SLC9A8: variants seen among roughly 807,000 people sequenced by gnomAD.
SLC9A8 encodes sodium/hydrogen exchanger 8.
Under a neutral mutation model 66.6 loss-of-function variants are expected in SLC9A8, and 48 were observed. The observed-to-expected ratio is 0.72, with a 90% CI of 0.57 to 0.92. The LOEUF (loss-of-function observed/expected upper bound fraction) is 0.92. SLC9A8 is among the 40% of genes least tolerant of loss of function. SLC9A8 has a pLI of 0.00. For synonymous variants in SLC9A8, 274 were observed against 282.6 expected, an observed-to-expected ratio of 0.97 and a Z score of 0.31; for missense variants, 599 against 747.3, an observed-to-expected ratio of 0.80 and a Z score of 2.31.
chr20:49,821,951 C>G (rs536760541), intron 2 of SLC9A8, among the ~76,000 whole-genome samples: 4 of 152,256 alleles, frequency 2.6e-5, no homozygotes, highest in South Asian at 2.1e-4. Context: ...GTTAAGAGCA[C>G]AGATTTGGAA....
At chr20:49,865,947 CTTTT>C (rs1555841386) in intron 10 of SLC9A8, among the ~76,000 whole-genome samples, 1 of 152,180 alleles carries the variant, frequency 6.6e-6, no homozygotes, top group Non-Finnish European at 1.5e-5. Context: ...CAGAGATTTT[CTTTT>C]TTATTAACTT....
intron 2 of SLC9A8, among the ~76,000 whole-genome samples, chr20:49,820,449 T>C (rs1267152327): frequency 6.6e-6 from 1 of 151,860 alleles, no homozygotes; most frequent in East Asian, 1.9e-4. Flanking sequence ...TGAGCTGAGA[T>C]TGCACCACTG....
intron 5 of SLC9A8, among the ~76,000 whole-genome samples, chr20:49,847,047 C>A (rs1568833085): frequency 6.6e-6 from 1 of 151,962 alleles, no homozygotes; most frequent in Non-Finnish European, 1.5e-5. Context: ...GAAATTAAGT[C>A]TTTAATTTTC....
chr20:49,834,488 A>G (rs904432570), intron 3 of SLC9A8, among the ~76,000 whole-genome samples: 3 of 140,518 alleles, frequency 2.1e-5, no homozygotes, highest in Non-Finnish European at 3.1e-5. Context: ...TATATACTGT[A>G]TATATACACA....
chr20:49,828,603 C>T (rs1190181449), intron 3 of SLC9A8, among the ~76,000 whole-genome samples: 2 of 150,392 alleles, frequency 1.3e-5, no homozygotes, highest in East Asian at 4.0e-4. Context: ...TTTGGGAGGC[C>T]GAGGTGGCCG....
chr20:49,883,874 G>A lies in SLC9A8; in HGVS notation c.1299G>A (p.Leu433=), dbSNP rs368238065. ...SGLRGAIPYA[L]SLHLDLEPME... ...TGCGGGGAGCCATCCCCTATGCCCT[G>A]AGCCTACACCTGGACCTGGAGCCCA... Residue 433 remains leucine (L), a synonymous_variant, in exon 14 of 16, where the codon CTG becomes CTA. Transcript: ENST00000361573. 8 of 1,608,362 alleles carry A rather than the reference G, an allele frequency of 5.0e-6. No homozygotes were observed. The highest frequency in any genetic ancestry group is 6.8e-6 in the Non-Finnish European group (8 of 1,179,974).
chr20:49,857,455 C>T (rs544280887), intron 8 of SLC9A8, among the ~76,000 whole-genome samples: 132 of 152,302 alleles, frequency 8.7e-4, no homozygotes, highest in South Asian at 7.7e-3. Context: ...CGGTGGCTCA[C>T]GCCTGTAATC....
intron 1 of SLC9A8, 98 bp downstream of exon 1, chr20:49,813,046 G>A (rs2086411453): frequency 1.8e-6 from 2 of 1,098,948 alleles, no homozygotes; most frequent in South Asian, 1.9e-5. Flanking sequence ...GGAAGGCGGA[G>A]CTTCTTTTGC....
rs779706487 is a variant in SLC9A8, at chr20:49,883,842, C to G, written c.1271-4C>G. 1 of 1,602,586 alleles carries G rather than the reference C, an allele frequency of 6.2e-7. No individual in the cohort carries two copies. Among genetic ancestry groups the G allele is most frequent in the Non-Finnish European group, 8.5e-7 (1 of 1,178,414 alleles). On this transcript the variant is annotated splice_polypyrimidine_tract_variant and splice_region_variant and intron_variant, in intron 13 of 15. Coordinates refer to ENST00000361573, the MANE Select transcript of SLC9A8 (RefSeq NM_015266.3). ...GTCCTCTCACACTGTTTGCTGTCAC[C>G]CAGGCCTGCGGGGAGCCATCCCCTA...
chr20:49,873,643 C>T (rs1295721615), intron 10 of SLC9A8, among the ~76,000 whole-genome samples: 1 of 149,204 alleles, frequency 6.7e-6, no homozygotes, highest in Non-Finnish European at 1.5e-5. Context: ...TGGTGGTGAA[C>T]ACTTGTAATC....
chr20:49,874,657 T>C (rs1412935579), intron 10 of SLC9A8, 48 bp from the exon 11 acceptor site: 4 of 1,165,472 alleles, frequency 3.4e-6, no homozygotes, highest in East Asian at 2.3e-5. Context: ...GAGATCTGAG[T>C]TGGGGATCAC....
intron 15 of SLC9A8, among the ~76,000 whole-genome samples, chr20:49,887,424 CTG>C (rs2089930949): frequency 6.6e-6 from 1 of 152,186 alleles, no homozygotes; most frequent in African/African-American, 2.4e-5. Flanking sequence ...GCTCCAGTGA[CTG>C]TGACCACGAC....
chr20:49,878,145 C>A, intron 12 of SLC9A8, 82 bp downstream of exon 12: 1 of 799,934 alleles, frequency 1.3e-6, no homozygotes, highest in Non-Finnish European at 1.9e-6. Flanking sequence ...ATTTATGTAA[C>A]TGTTAACTGT....
Position 49,871,896 on chromosome 20 carries a change from C to T in SLC9A8, c.959-2809C>T, listed in dbSNP as rs559170742. ...TTGCCATCCTTAAAGATGGAGATTTCCTGTAAGGAAAACCAGAAGGAAGAC... is the reference window on the plus strand; with the variant it reads ...TTGCCATCCTTAAAGATGGAGATTTTCTGTAAGGAAAACCAGAAGGAAGAC... On this transcript the variant is annotated intron_variant, in intron 10 of 15. Coordinates refer to ENST00000361573, the MANE Select transcript of SLC9A8 (RefSeq NM_015266.3). Among the ~76,000 whole-genome samples the T allele has an allele frequency of 6.6e-5, 10 of 152,312 alleles. 1 individual carries two copies. In the South Asian group the frequency reaches 2.1e-3, roughly 32 times the overall value.
At chr20:49,847,224 CAT>C (rs2088034297) in intron 5 of SLC9A8, among the ~76,000 whole-genome samples, 1 of 151,878 alleles carries the variant, frequency 6.6e-6, no homozygotes, top group Non-Finnish European at 1.5e-5. Flanking sequence ...AACAAGGAAA[CAT>C]AAGTTGAAGG....
At position 49,820,851 on chromosome 20, in the gene SLC9A8, G is replaced by C. The variant is rs559602070; in HGVS notation, c.209-2210G>C. On this transcript the variant is annotated intron_variant, in intron 2 of 15. Coordinates refer to ENST00000361573, the MANE Select transcript of SLC9A8 (RefSeq NM_015266.3). ...TGAGCCACCGCACCAGGCCCTCACT[G>C]TATTTTTTAAAAAATCTTACATGTC... 2.0e-5 allele frequency among the ~76,000 whole-genome samples: 3 copies of C among 152,144 alleles called. 1 individual carries two copies. Among genetic ancestry groups the C allele is most frequent in the Middle Eastern group, 6.8e-3 (2 of 294 alleles).
chr20:49,843,764 C>T (rs907623262), intron 4 of SLC9A8, among the ~76,000 whole-genome samples: 27 of 152,100 alleles, frequency 1.8e-4, no homozygotes, highest in Non-Finnish European at 4.4e-5. Flanking sequence ...AAGCATGGTG[C>T]TATGGTTTGG....
chr20:49,827,787 A>T (rs1378010670), intron 3 of SLC9A8, among the ~76,000 whole-genome samples: 1 of 152,062 alleles, frequency 6.6e-6, no homozygotes, highest in Non-Finnish European at 1.5e-5. Flanking sequence ...CAGTTGCCAA[A>T]GTTTAGCCTT....
intron 3 of SLC9A8, among the ~76,000 whole-genome samples, chr20:49,837,460 TC>T (rs112707767): frequency 0.15 from 22,812 of 152,224 alleles, 3,081 homozygotes; most frequent in African/African-American, 0.37. Context: ...TATTTGCATT[TC>T]CCTAATGATT....
Sources: allele counts gnomAD v4.1 joint callset (sites outside exome capture counted in the v4.1 genomes callset), GRCh38; gene constraint gnomAD v4.1.1; transcripts MANE v1.5; gene names NCBI Gene and HGNC (gene_info 2026-07-23, HGNC 2026-07-21).